PCNT: variants seen among roughly 807,000 people sequenced by gnomAD.
The protein encoded by PCNT is kendrin.
In PCNT, 319 loss-of-function variants were observed where a neutral mutation model predicts 380.4. That is an observed-to-expected ratio of 0.84 (90% CI 0.77 to 0.92). The LOEUF is 0.92. PCNT is among the 40% of genes least tolerant of loss of function. PCNT has a pLI of 0.00. For missense variants in PCNT, 4,400 were observed against 4,255.3 expected (o/e 1.03, Z -0.95); for synonymous variants, 1,845 against 1,735.2 (o/e 1.06, Z -1.57).
rs758228005 is a variant in PCNT, at chr21:46,326,393, A to C, written c.71A>C (p.Gln24Pro). 1.2e-6 allele frequency: 2 copies of C among 1,614,206 alleles called. No individual in the cohort carries two copies. The highest frequency in any genetic ancestry group is 4.5e-5 in the East Asian group (2 of 44,888). The change falls in exon 2 of 47, where the codon CAG becomes CCG. Residue 24 changes from glutamine (Q) to proline (P), a missense_variant. By Grantham distance (76) the Gln-to-Pro change is moderately conservative. Transcript: ENST00000359568. Reference protein sequence around the residue: ...AGRTKLAHFRQRKTKGDSSHS... With the variant: ...AGRTKLAHFRPRKTKGDSSHS... The stretch of plus-strand genomic sequence containing the variant: ...TTTGCGCAGCTTGCTCACTTCCGAC[A>C]GAGAAAAACAAAAGGTGACAGTTCG...
intron 13 of PCNT, among the ~76,000 whole-genome samples, chr21:46,361,228 A>G (rs1273023357): frequency 6.6e-6 from 1 of 152,092 alleles, no homozygotes; most frequent in African/African-American, 2.4e-5. Context: ...TTACTAAAAA[A>G]TAAAATAAAA....
intron 2 of PCNT, among the ~76,000 whole-genome samples, chr21:46,333,666 C>T (rs920643676): frequency 3.3e-5 from 5 of 151,476 alleles, no homozygotes; most frequent in Non-Finnish European, 7.4e-5. Context: ...TTGGGGAGGC[C>T]GAGGCGGGTG....
At chr21:46,426,061 A>G in intron 33 of PCNT, 90 bp downstream of exon 33, 1 of 421,694 alleles carries the variant, frequency 2.4e-6, no homozygotes, top group African/African-American at 4.6e-5. Context: ...GGACACTAGG[A>G]TTTCTTTCTT....
intron 3 of PCNT, among the ~76,000 whole-genome samples, chr21:46,335,013 C>T (rs2083687659): frequency 6.6e-6 from 1 of 152,232 alleles, no homozygotes; most frequent in African/African-American, 2.4e-5. Context: ...GAGCTCAAAT[C>T]TGCCTCCCTT....
chr21:46,349,635 G>A (rs1196811303), intron 7 of PCNT, 49 bp from the exon 8 acceptor site: 2 of 1,596,972 alleles, frequency 1.3e-6, no homozygotes, highest in Non-Finnish European at 1.7e-6. Context: ...GGTCGCTGTT[G>A]AGGAGAGTGA....
intron 13 of PCNT, among the ~76,000 whole-genome samples, chr21:46,357,907 C>T (rs2084535057): frequency 6.6e-6 from 1 of 152,264 alleles, no homozygotes; most frequent in Non-Finnish European, 1.5e-5. Flanking sequence ...GAGGCACCCT[C>T]TGACTCCCTC....
At chr21:46,391,081 T>C (rs956247994) in intron 20 of PCNT, 83 bp from the exon 21 acceptor site, 2 of 1,344,368 alleles carry the variant, frequency 1.5e-6, no homozygotes, top group African/African-American at 1.4e-5. Flanking sequence ...TCAGGGGCAG[T>C]GGCCCCGTCC....
intron 15 of PCNT, among the ~76,000 whole-genome samples, chr21:46,380,145 ATTTTTTTTTTTTTTTTT>A (rs552854585): frequency 3.4e-4 from 20 of 59,686 alleles, no homozygotes; most frequent in South Asian, 1.6e-3. Flanking sequence ...CCTGGGGTAG[ATTTTTTTTTTTTTTTTT>A]TTTTTTTTTT....
In PCNT at chr21:46,363,495, A is replaced by G. The variant is rs768854118; in HGVS notation, c.2170A>G (p.Ile724Val). 8.7e-6 allele frequency: 14 copies of G among 1,612,810 alleles called. No individual in the cohort carries two copies. In the East Asian group the frequency reaches 1.3e-4, roughly 15 times the overall value. Residue 724 changes from isoleucine (I) to valine (V), a missense_variant, in exon 14 of 47, where the codon ATT (isoleucine) becomes GTT (valine). By Grantham distance (29) the Ile-to-Val change is conservative. Transcript: ENST00000359568. ...TTGTCTGTAGGTAAAACACAATCTA[A>G]TTGAAGACCACCAGAAGGAACTAAA... ...DDLEKVKHNL[I>V]EDHQKELNNA...
intron 15 of PCNT, among the ~76,000 whole-genome samples, chr21:46,370,226 G>GC (rs1396914476): frequency 6.6e-6 from 1 of 151,178 alleles, no homozygotes; most frequent in African/African-American, 2.4e-5. Flanking sequence ...TGGGCATCCG[G>GC]GGGGGGGTGT....
rs1388165697 is a variant in PCNT at position 46,385,894 on chromosome 21, G to A, written c.3375G>A (p.Val1125=). 2.2e-5 allele frequency: 35 copies of A among 1,614,224 alleles called. No homozygotes were observed. Among genetic ancestry groups the A allele is most frequent in the Non-Finnish European group, 2.9e-5 (34 of 1,180,026 alleles). ...AAGAGTGCCGCTCCGAGTTGGAGGTGCTGCAGCAGAGGCGGGAGCGGGAGA... is the reference window on the plus strand; with the variant it reads ...AAGAGTGCCGCTCCGAGTTGGAGGTACTGCAGCAGAGGCGGGAGCGGGAGA... ...EIEECRSELE[V]LQQRRERENR... is the part of the protein sequence containing the mutation. Residue 1125 remains valine (V), a synonymous_variant, in exon 17 of 47, where the codon GTG becomes GTA. Transcript: ENST00000359568.
chr21:46,358,365 CCAT>C (rs1344288847), intron 13 of PCNT, among the ~76,000 whole-genome samples: 1 of 152,240 alleles, frequency 6.6e-6, no homozygotes, highest in African/African-American at 2.4e-5. Flanking sequence ...TTTTCATTCT[CCAT>C]CAAGAGACAG....
chr21:46,385,471 C>G (rs1025425895), intron 16 of PCNT, among the ~76,000 whole-genome samples: 2 of 152,236 alleles, frequency 1.3e-5, no homozygotes, highest in Non-Finnish European at 2.9e-5. Flanking sequence ...CCCTTCCCTC[C>G]CCTAGCCTCA....
intron 31 of PCNT, among the ~76,000 whole-genome samples, chr21:46,418,786 C>T (rs2268524): frequency 0.18 from 27,352 of 152,202 alleles, 2,938 homozygotes; most frequent in East Asian, 0.42. Context: ...TTCGGGGCAC[C>T]GGCCCTGGAG....
At chr21:46,386,902 T>C (rs1466954237) in intron 17 of PCNT, among the ~76,000 whole-genome samples, 1 of 152,128 alleles carries the variant, frequency 6.6e-6, no homozygotes, top group Non-Finnish European at 1.5e-5. Context: ...CTGCTCCCAT[T>C]GGCGTGTCCC....
chr21:46,392,953 C>T (rs2147332404), intron 21 of PCNT, among the ~76,000 whole-genome samples: 1 of 152,264 alleles, frequency 6.6e-6, no homozygotes, highest in South Asian at 2.1e-4. Context: ...ATATTCATGA[C>T]TGTTTTTTAA....
At chr21:46,358,012 A>G (rs1280730714) in intron 13 of PCNT, among the ~76,000 whole-genome samples, 1 of 152,244 alleles carries the variant, frequency 6.6e-6, no homozygotes, top group Non-Finnish European at 1.5e-5. Context: ...GCTTGGTTAC[A>G]GCCAGGGCAG....
chr21:46,417,434 C>T (rs888187562), intron 30 of PCNT, among the ~76,000 whole-genome samples: 2 of 152,024 alleles, frequency 1.3e-5, no homozygotes, highest in Non-Finnish European at 2.9e-5. Context: ...CCTCATGATC[C>T]ACCCACCTCA....
chr21:46,413,997 T>C (rs1473988851), intron 29 of PCNT, among the ~76,000 whole-genome samples: 10 of 116,396 alleles, frequency 8.6e-5, no homozygotes, highest in South Asian at 2.5e-4. Flanking sequence ...TTTCTCTCTT[T>C]TTTTTTTTTT....
Sources: allele counts gnomAD v4.1 joint callset (sites outside exome capture counted in the v4.1 genomes callset), GRCh38; gene constraint gnomAD v4.1.1; transcripts MANE v1.5; gene names NCBI Gene and HGNC (gene_info 2026-07-23, HGNC 2026-07-21).